Variants in ERGIC3 observed in about 807,000 individuals in gnomAD.
ERGIC3 encodes ERGIC and golgi 3, also known as endoplasmic reticulum-Golgi intermediate compartment protein 3.
Under a neutral mutation model 54.7 loss-of-function variants are expected in ERGIC3, and 33 were observed. The observed-to-expected ratio is 0.60, with a 90% CI of 0.46 to 0.81. ERGIC3 has a LOEUF of 0.81. Ranked by LOEUF, ERGIC3 falls within the 30% of genes least tolerant of loss-of-function variation. The probability of loss-of-function intolerance (pLI) is 0.00; values close to 1 mark genes in which losing one functional copy is unlikely to be tolerated. For synonymous variants in ERGIC3, 186 were observed against 189.8 expected (o/e 0.98, Z 0.16); for missense variants, 399 against 488.4 (o/e 0.82, Z 1.73).
chr20:35,556,122 G>T lies in ERGIC3; in HGVS notation c.807G>T (p.Ala269=), dbSNP rs376291998. The part of the protein sequence containing the change: ...VNPLDHTNVT[A]PQASMMFQYF... ...CCCTGGACCACACCAATGTCACTGCGCCCCAAGGTACCAGCCCGGGAGGCA... is the reference window on the plus strand; with the variant it reads ...CCCTGGACCACACCAATGTCACTGCTCCCCAAGGTACCAGCCCGGGAGGCA... Residue 269 remains alanine, a synonymous_variant, in exon 9 of 13, where the codon GCG becomes GCT. Coordinates refer to ENST00000348547, the MANE Select transcript of ERGIC3 (RefSeq NM_015966.3). 1.2e-6 allele frequency: 2 copies of T among 1,614,132 alleles called. No individual in the cohort carries two copies. Among genetic ancestry groups the T allele is most frequent in the Non-Finnish European group, 8.5e-7 (1 of 1,180,026 alleles).
At chr20:35,556,392 C>A in intron 10 of ERGIC3, 121 bp downstream of exon 10, 2 of 1,073,658 alleles carry the variant, frequency 1.9e-6, no homozygotes, top group Non-Finnish European at 2.8e-6. Context: ...GAATAAAAGA[C>A]TGAGGCACAG....
intron 4 of ERGIC3, among the ~76,000 whole-genome samples, chr20:35,547,020 G>A (rs1337376698): frequency 6.6e-6 from 1 of 152,176 alleles, no homozygotes; most frequent in Non-Finnish European, 1.5e-5. Context: ...TGGCATACAC[G>A]TTGGAATTAG....
At position 35,542,507 on chromosome 20, in the gene ERGIC3, C is replaced by A. The variant is rs376816305; in HGVS notation, c.160-6C>A. The A allele has an allele frequency of 1.2e-5, 20 of 1,613,818 alleles. No individual in the cohort carries two copies. Among genetic ancestry groups the A allele is most frequent in the Non-Finnish European group, 1.6e-5 (19 of 1,179,988 alleles). ...GCTAAGTCTTACTGAGGTAGCGCTG[C>A]CCCAGGTGCATCCTGAGCTCTACGT... On this transcript the variant is annotated splice_polypyrimidine_tract_variant and splice_region_variant and intron_variant, in intron 2 of 12. Transcript: ENST00000348547.
chr20:35,542,635 C>T (rs1254793030), intron 3 of ERGIC3, 35 bp downstream of exon 3: 1 of 1,611,902 alleles, frequency 6.2e-7, no homozygotes, highest in Non-Finnish European at 8.5e-7. Flanking sequence ...CTGGAGAGAC[C>T]CAGGGTTCTC....
intron 4 of ERGIC3, among the ~76,000 whole-genome samples, chr20:35,546,581 G>T (rs2064650065): frequency 6.6e-6 from 1 of 152,192 alleles, no homozygotes; most frequent in African/African-American, 2.4e-5. Flanking sequence ...TGGAACCAGG[G>T]TGTGGGTTTT....
Position 35,547,881 on chromosome 20 carries a change from GT to G in ERGIC3, c.461+377del, listed in dbSNP as rs1464162682. Among the ~76,000 whole-genome samples, 109 of 152,170 alleles carry G rather than the reference GT, an allele frequency of 7.2e-4. 1 individual carries two copies. Among genetic ancestry groups the G allele is most frequent in the Non-Finnish European group, 1.0e-4 (7 of 68,034 alleles). ...GTCACATATGGATTAGCTGTATACT[GT>G]GTGTAAAGCACTGAGGTGGAAGGCC... On this transcript the variant is annotated intron_variant, in intron 5 of 12. Transcript: ENST00000348547.
chr20:35,556,838 C>CA (rs1398140416), intron 10 of ERGIC3, 135 bp from the exon 11 acceptor site: 1 of 1,259,320 alleles, frequency 7.9e-7, no homozygotes, highest in Non-Finnish European at 1.1e-6. Flanking sequence ...CAGTGCAGGC[C>CA]ACTAGCACGG....
At chr20:35,553,690 C>A (rs2064695242) in intron 7 of ERGIC3, among the ~76,000 whole-genome samples, 1 of 152,032 alleles carries the variant, frequency 6.6e-6, no homozygotes, top group Non-Finnish European at 1.5e-5. Flanking sequence ...GCTGGAGGAC[C>A]CTGCAGAGCT....
At chr20:35,553,054 TGG>T (rs2064690609) in intron 7 of ERGIC3, among the ~76,000 whole-genome samples, 1 of 121,390 alleles carries the variant, frequency 8.2e-6, no homozygotes. Context: ...TTTTTGAGGC[TGG>T]AGTGCCATGG....
intron 7 of ERGIC3, 39 bp from the exon 8 acceptor site, chr20:35,555,005 A>T: frequency 6.2e-7 from 1 of 1,613,460 alleles, no homozygotes; most frequent in Non-Finnish European, 8.5e-7. Context: ...TGCTCCTACT[A>T]ATGACGCCTT....
intron 7 of ERGIC3, chr20:35,549,234 C>A (rs1285028314): frequency 2.1e-6 from 1 of 474,000 alleles, no homozygotes; most frequent in Non-Finnish European, 4.4e-6. Context: ...ATGGTAGCCC[C>A]CCGTGTCCGA....
At chr20:35,544,007 G>A (rs2147302505) in intron 4 of ERGIC3, 1 of 270,508 alleles carries the variant, frequency 3.7e-6, no homozygotes, top group African/African-American at 2.3e-5. Flanking sequence ...GGGCACTGAA[G>A]AATCTACTAT....
At chr20:35,547,910 G>A (rs1370877456) in intron 5 of ERGIC3, among the ~76,000 whole-genome samples, 1 of 152,182 alleles carries the variant, frequency 6.6e-6, no homozygotes, top group African/African-American at 2.4e-5. Flanking sequence ...GGAAGGCCCA[G>A]CCCAGATTAT....
chr20:35,547,498 G>A lies in ERGIC3; in HGVS notation c.454G>A (p.Asp152Asn), dbSNP rs781630771. The change falls in exon 5 of 13, where the codon GAT (aspartate) becomes AAT (asparagine). Residue 152 changes from aspartate (D) to asparagine (N), a missense_variant. By Grantham distance (23) the Asp-to-Asn change is conservative. Transcript: ENST00000348547. ...CESCYGAEAE[D>N]IKCCNTCEDV... ...GAGCTGCTATGGTGCTGAGGCAGAA[G>A]ATATCAAGTGAGCTGGCGGGGAGCG... is the stretch of plus-strand genomic sequence containing the variant. The A allele has an allele frequency of 3.1e-6, 5 of 1,613,836 alleles. No homozygotes were observed. Among genetic ancestry groups the A allele is most frequent in the Non-Finnish European group, 3.4e-6 (4 of 1,179,910 alleles).
intron 7 of ERGIC3, 41 bp downstream of exon 7, chr20:35,548,906 C>T (rs2064666882): frequency 3.7e-6 from 6 of 1,609,764 alleles, no homozygotes; most frequent in Non-Finnish European, 4.3e-6. Flanking sequence ...AGATGCTGGC[C>T]ACCTTCTTGG....
At chr20:35,551,373 G>A (rs2064680920) in intron 7 of ERGIC3, among the ~76,000 whole-genome samples, 1 of 152,082 alleles carries the variant, frequency 6.6e-6, no homozygotes, top group South Asian at 2.1e-4. Flanking sequence ...GTTCGGAAAT[G>A]GGATCGTACA....
chr20:35,542,953 A>T lies in ERGIC3; in HGVS notation c.367+12A>T. 1.2e-6 allele frequency: 2 copies of T among 1,613,412 alleles called. No homozygotes were observed. The highest frequency in any genetic ancestry group is 1.7e-6 in the Non-Finnish European group (2 of 1,179,732). On this transcript the variant is annotated intron_variant, in intron 4 of 12. Transcript: ENST00000348547. ...GGCTGAGCGGCATGGTAACCAGGGGAGGGGGCCGGGTCTCAGATCCCAAAG... is the reference window on the plus strand; with the variant it reads ...GGCTGAGCGGCATGGTAACCAGGGGTGGGGGCCGGGTCTCAGATCCCAAAG...
chr20:35,551,226 G>A (rs1467356751), intron 7 of ERGIC3, among the ~76,000 whole-genome samples: 2 of 151,884 alleles, frequency 1.3e-5, no homozygotes, highest in African/African-American at 4.8e-5. Flanking sequence ...CCCAGGAGGC[G>A]GAGGTTGCAG....
intron 7 of ERGIC3, chr20:35,554,256 C>A: frequency 1.5e-6 from 2 of 1,360,590 alleles, no homozygotes; most frequent in South Asian, 1.2e-5. Context: ...TGGGGCCAGA[C>A]TGTGTTGCTG....
Sources: gnomAD v4.1 joint callset for allele counts (sites outside exome capture counted in the v4.1 genomes callset) on GRCh38, gnomAD v4.1.1 for gene constraint, MANE v1.5 for transcripts, NCBI Gene and HGNC (gene_info 2026-07-23, HGNC 2026-07-21) for gene names.